TP53BP2: variants seen among roughly 807,000 people sequenced by gnomAD.
TP53BP2 encodes the protein tumor protein p53 binding protein 2.
In TP53BP2, 62 loss-of-function variants were observed where a neutral mutation model predicts 126.2. The ratio of observed to expected loss-of-function variants is 0.49; its 90% CI spans 0.40 to 0.61. TP53BP2 has a LOEUF of 0.61. Ranked by LOEUF, TP53BP2 falls within the 20% of genes least tolerant of loss-of-function variation. The probability of loss-of-function intolerance (pLI) is 0.00; values close to 1 mark genes in which losing one functional copy is unlikely to be tolerated. For missense variants in TP53BP2, 1,215 were observed against 1,402.8 expected, an observed-to-expected ratio of 0.87 and a Z score of 2.14; for synonymous variants, 485 against 502.9, an observed-to-expected ratio of 0.96 and a Z score of 0.48.
intron 16 of TP53BP2, among the ~76,000 whole-genome samples, chr1:223,784,854 A>G (rs913171931): frequency 6.6e-6 from 1 of 152,212 alleles, no homozygotes; most frequent in Admixed American, 6.5e-5. Context: ...AGAATGCAAA[A>G]ATATGGCATT....
intron 1 of TP53BP2, among the ~76,000 whole-genome samples, chr1:223,825,053 A>ACACACACACC (rs896409691): frequency 4.7e-5 from 7 of 148,846 alleles, no homozygotes; most frequent in South Asian, 2.1e-4. Context: ...ACACACACAC[A>ACACACACACC]CCCTAGCCCA....
intron 3 of TP53BP2, among the ~76,000 whole-genome samples, 164 bp from the exon 4 acceptor site, chr1:223,810,677 A>C (rs917858367): frequency 3.3e-5 from 5 of 152,342 alleles, no homozygotes; most frequent in Admixed American, 2.6e-4. Flanking sequence ...CTCATAACTC[A>C]GTGTGTTTTG....
chr1:223,801,996 T>C (rs1662540753), intron 9 of TP53BP2, 120 bp downstream of exon 9: 4 of 1,021,910 alleles, frequency 3.9e-6, no homozygotes, highest in Non-Finnish European at 5.7e-6. Flanking sequence ...GCAAAGAATA[T>C]AAAAGGATTT....
intron 1 of TP53BP2, among the ~76,000 whole-genome samples, chr1:223,824,030 A>G (rs1009041099): frequency 6.6e-6 from 1 of 152,220 alleles, no homozygotes; most frequent in African/African-American, 2.4e-5. Flanking sequence ...ACTTACATCA[A>G]CTCTCAGATA....
At chr1:223,832,725 C>T (rs1316783774) in intron 1 of TP53BP2, among the ~76,000 whole-genome samples, 1 of 152,238 alleles carries the variant, frequency 6.6e-6, no homozygotes, top group Non-Finnish European at 1.5e-5. Context: ...TGTCTCTGCA[C>T]AGACCTGGAG....
At chr1:223,838,850 A>G (rs1399476628) in intron 1 of TP53BP2, among the ~76,000 whole-genome samples, 1 of 152,170 alleles carries the variant, frequency 6.6e-6, no homozygotes. Flanking sequence ...TGAGATCTCT[A>G]TGGTAATATT....
intron 16 of TP53BP2, among the ~76,000 whole-genome samples, chr1:223,785,179 A>C (rs1257041954): frequency 6.6e-6 from 1 of 152,242 alleles, no homozygotes; most frequent in Admixed American, 6.5e-5. Flanking sequence ...CACTTTTATA[A>C]TTTTTTAAAA....
intron 15 of TP53BP2, among the ~76,000 whole-genome samples, chr1:223,790,108 C>T (rs1662100764): frequency 6.6e-6 from 1 of 151,876 alleles, no homozygotes; most frequent in African/African-American, 2.4e-5. Flanking sequence ...CCCAACTCTA[C>T]TAAAAATACA....
chr1:223,831,227 T>C (rs1379244687), intron 1 of TP53BP2, among the ~76,000 whole-genome samples: 8 of 92,834 alleles, frequency 8.6e-5, no homozygotes, highest in Non-Finnish European at 1.5e-4. Context: ...CCCATTTATA[T>C]TAAAAAAAAA....
chr1:223,785,232 A>C (rs1024103087), intron 16 of TP53BP2, among the ~76,000 whole-genome samples: 1 of 152,226 alleles, frequency 6.6e-6, no homozygotes, highest in Non-Finnish European at 1.5e-5. Context: ...TAGCTTTTTC[A>C]ACTTATGTGA....
chr1:223,796,054 T>C lies in TP53BP2; in HGVS notation c.2485A>G (p.Met829Val), dbSNP rs1662309447. The C allele has an allele frequency of 6.2e-7, 1 of 1,614,168 alleles. No individual in the cohort carries two copies. The highest frequency in any genetic ancestry group is 8.5e-7 in the Non-Finnish European group (1 of 1,179,996). The change falls in exon 13 of 18, where the codon ATG becomes GTG. Residue 829 changes from methionine to valine, a missense_variant. By Grantham distance (21) the Met-to-Val change is conservative. This residue lies in a region of TP53BP2 where 204 missense variants were observed against 225.7 expected (regional missense o/e 0.90). Transcript: ENST00000343537. This position sits in a 1 kb window ranked among gnomAD's most constrained non-coding sequence, Gnocchi z 4.2. ...TCAAGGCCTGGAGAAGGAGCTGGCA[T>C]GTCACTGTTCTCTGTACTGGCATTC... is the stretch of plus-strand genomic sequence containing the variant. ...VGNASTENSD[M>V]PAPSPGLDYE...
rs1234341521 is a variant in TP53BP2, at chr1:223,835,257, CT to C, written c.27+10396del. The stretch of plus-strand genomic sequence containing the variant: ...TCTGCTTTAAGTAAAATTAAGAAAC[CT>C]TTTCTCTTCTTTCAACTATGCCTGA... On this transcript the variant is annotated intron_variant, in intron 1 of 17. Transcript: ENST00000343537. 3.9e-5 allele frequency among the ~76,000 whole-genome samples: 6 copies of C among 152,294 alleles called. No individual in the cohort carries two copies. In the East Asian group the frequency reaches 9.6e-4, roughly 24 times the overall value.
chr1:223,815,216 C>CA (rs1386189187), intron 2 of TP53BP2, among the ~76,000 whole-genome samples: 1 of 152,188 alleles, frequency 6.6e-6, no homozygotes, highest in Non-Finnish European at 1.5e-5. Flanking sequence ...CTTAAATAAA[C>CA]ATGGGCAGAG....
intron 2 of TP53BP2, among the ~76,000 whole-genome samples, chr1:223,817,821 G>T (rs1167808545): frequency 1.3e-5 from 2 of 151,916 alleles, no homozygotes; most frequent in Non-Finnish European, 1.5e-5. Flanking sequence ...AGCTACTCAG[G>T]GGGCTGAGGC....
At position 223,796,131 on chromosome 1, in the gene TP53BP2, T is replaced by C. The variant is rs931586980; in HGVS notation, c.2408A>G (p.Glu803Gly). 3 of 1,614,176 alleles carry C rather than the reference T, an allele frequency of 1.9e-6. No homozygotes were observed. Among genetic ancestry groups the C allele is most frequent in the South Asian group, 1.1e-5 (1 of 91,078 alleles). ...IQNPYLHVEP[E>G]KEVVSLVPES... ...AGGAACCAGAGAGACCACCTCCTTTTCGGGCTCCACATGTAAATATGGATT... is the reference window on the plus strand; with the variant it reads ...AGGAACCAGAGAGACCACCTCCTTTCCGGGCTCCACATGTAAATATGGATT... The change falls in exon 13 of 18, where the codon GAA becomes GGA. Residue 803 changes from glutamate (E) to glycine (G), a missense_variant. Glu to Gly is a moderately conservative substitution (Grantham distance 98). Transcript: ENST00000343537. This position sits in a 1 kb window ranked among gnomAD's most constrained non-coding sequence, Gnocchi z 4.2.
At chr1:223,781,153 C>G in intron 17 of TP53BP2, among the ~76,000 whole-genome samples, 1 of 152,196 alleles carries the variant, frequency 6.6e-6, no homozygotes, top group Non-Finnish European at 1.5e-5. Flanking sequence ...AAACCCATGA[C>G]AGTTCTAGGT....
intron 4 of TP53BP2, among the ~76,000 whole-genome samples, chr1:223,807,404 A>C (rs561429806): frequency 6.6e-6 from 1 of 152,328 alleles, no homozygotes; most frequent in South Asian, 2.1e-4. Flanking sequence ...AAACAAAGCA[A>C]GGACATCCAC....
rs148727406 is a variant in TP53BP2, at chr1:223,837,580, C to T, written c.27+8074G>A. ...GACAAACTCTTGAGTGCCTTCACAA[C>T]CAATTCTGTCAGCTGGGCCTTAGGT... is the stretch of plus-strand genomic sequence containing the variant. On this transcript the variant is annotated intron_variant, in intron 1 of 17. Transcript: ENST00000343537. Among the ~76,000 whole-genome samples, 166 of 151,872 alleles carry T rather than the reference C, an allele frequency of 1.1e-3. 1 individual carries two copies. Among genetic ancestry groups the T allele is most frequent in the African/African-American group, 3.6e-3 (151 of 41,380 alleles).
At chr1:223,786,581 C>CGTGTGTGTGT (rs61533251) in intron 16 of TP53BP2, among the ~76,000 whole-genome samples, 3,080 of 144,508 alleles carry the variant, frequency 0.021, 105 homozygotes, top group African/African-American at 0.069. Context: ...TGCGTGTGTG[C>CGTGTGTGTGT]GTGTGTGTGT....
Sources: allele counts gnomAD v4.1 joint callset (sites outside exome capture counted in the v4.1 genomes callset), GRCh38; gene constraint gnomAD v4.1.1; regional missense constraint gnomAD v4.1.1; non-coding constraint Gnocchi (gnomAD v3.1); transcripts MANE v1.5; gene names NCBI Gene and HGNC (gene_info 2026-07-23, HGNC 2026-07-21).